SPEF2: variants seen among roughly 807,000 people sequenced by gnomAD.
SPEF2 encodes sperm flagellar and cilia associated 2, also known as sperm flagella and cilia-associated protein 2.
SPEF2 carries 187 observed loss-of-function variants against 224.6 expected under a neutral mutation model. That is an observed-to-expected ratio of 0.83 (90% CI 0.74 to 0.94). The LOEUF is 0.94. SPEF2 is among the 40% of genes least tolerant of loss of function. SPEF2 has a pLI of 0.00. For missense variants in SPEF2, 2,170 were observed against 2,135.6 expected (o/e 1.02, Z -0.32); for synonymous variants, 715 against 707.3 (o/e 1.01, Z -0.17).
At chr5:35,775,437 T>A (rs1158912713) in intron 28 of SPEF2, among the ~76,000 whole-genome samples, 1 of 151,758 alleles carries the variant, frequency 6.6e-6, no homozygotes, top group Admixed American at 6.6e-5. Flanking sequence ...GAGAGAGGGG[T>A]AAGAGGCATA....
chr5:35,769,989 ATGTG>A (rs10627412), intron 26 of SPEF2, among the ~76,000 whole-genome samples: 24,966 of 141,800 alleles, frequency 0.18, 2,199 homozygotes, highest in South Asian at 0.32. Context: ...TGCCTCCATA[ATGTG>A]TGTGTGTGTG....
At position 35,715,816 on chromosome 5, in the gene SPEF2, C is replaced by CCTTTTTTT. The variant is rs70973054; in HGVS notation, c.2914+2930_2914+2931insCTTTTTTT. ...TCTGTGAAATAGGGGGATATAATTT[C>CCTTTTTTT]TTTTTTTTTTTTTTTTTGAGACAGA... On this transcript the variant is annotated intron_variant, in intron 20 of 36. Coordinates refer to ENST00000356031, the MANE Select transcript of SPEF2 (RefSeq NM_024867.4). Among the ~76,000 whole-genome samples the CCTTTTTTT allele has an allele frequency of 4.5e-3, 533 of 117,838 alleles. 47 individuals carry two copies. Among genetic ancestry groups the CCTTTTTTT allele is most frequent in the Middle Eastern group, 6.3e-3 (1 of 158 alleles). 77.3% of individuals were successfully genotyped at this position (117,838 alleles called of 152,430 possible).
chr5:35,759,271 A>G (rs547325349), intron 24 of SPEF2, among the ~76,000 whole-genome samples: 1 of 152,284 alleles, frequency 6.6e-6, no homozygotes, highest in Non-Finnish European at 1.5e-5. Context: ...AGTAAATAGC[A>G]TGCACTACTT....
At position 35,792,535 on chromosome 5, in the gene SPEF2, T is replaced by G; in HGVS notation, c.4554+89T>G. ...AGTTCTAAAATAATGAGTACTTGCA[T>G]AGTGTCTGACATTTAGTAGGCAATC... On this transcript the variant is annotated intron_variant, in intron 31 of 36. Transcript: ENST00000356031. The G allele has an allele frequency of 7.6e-6, 8 of 1,050,376 alleles. No individual in the cohort carries two copies. In the South Asian group the frequency reaches 1.1e-4, roughly 14 times the overall value. 65.1% of individuals were successfully genotyped at this position (1,050,376 alleles called of 1,614,324 possible). A position where few individuals can be genotyped will look rare whatever the true frequency, so the allele number is the denominator to read the frequency against.
chr5:35,795,829 A>G (rs760621539), intron 33 of SPEF2, 34 bp downstream of exon 33: 3 of 1,523,604 alleles, frequency 2.0e-6, no homozygotes, highest in Admixed American at 1.8e-5. Context: ...ATGTGGCATT[A>G]TAGCACTAAT....
chr5:35,691,963 C>G (rs1053813383), intron 11 of SPEF2, among the ~76,000 whole-genome samples: 3 of 151,838 alleles, frequency 2.0e-5, no homozygotes, highest in Non-Finnish European at 4.4e-5. Flanking sequence ...CTACACCCAG[C>G]TAATTTTTGT....
At chr5:35,659,855 A>G (rs1001371632) in intron 8 of SPEF2, among the ~76,000 whole-genome samples, 1 of 151,728 alleles carries the variant, frequency 6.6e-6, no homozygotes. Flanking sequence ...CTTCCTTTCA[A>G]CTAGACACCA....
rs189290973 is a variant in SPEF2, at chr5:35,656,180, T to C, written c.978+1454T>C. Among the ~76,000 whole-genome samples the C allele has an allele frequency of 7.2e-5, 11 of 152,248 alleles. No homozygotes were observed. The East Asian group carries it at 1.9e-3, about 27-fold the overall frequency. ...AGAGGAACAAACTTGGGGTGGGCAG[T>C]GATTTCAGTTGGGAATGTAAATAGG... is the stretch of plus-strand genomic sequence containing the variant. On this transcript the variant is annotated intron_variant, in intron 7 of 36. Coordinates refer to ENST00000356031, the MANE Select transcript of SPEF2 (RefSeq NM_024867.4).
chr5:35,690,991 T>C (rs1446072102), intron 10 of SPEF2, 46 bp from the exon 11 acceptor site: 10 of 1,521,408 alleles, frequency 6.6e-6, no homozygotes, highest in Non-Finnish European at 9.0e-6. Context: ...ATACCTAAAT[T>C]CCACTTTTCA....
chr5:35,679,839 T>C (rs893330199), intron 10 of SPEF2, among the ~76,000 whole-genome samples: 3 of 152,202 alleles, frequency 2.0e-5, no homozygotes, highest in Non-Finnish European at 2.9e-5. Flanking sequence ...TCTAATCTAT[T>C]GCTACCCATG....
chr5:35,692,750 C>T lies in SPEF2; in HGVS notation c.1899+26C>T, dbSNP rs545467866. The T allele has an allele frequency of 1.4e-5, 22 of 1,604,924 alleles. No homozygotes were observed. The Admixed American group carries it at 2.6e-4, about 19-fold the overall frequency. ...GCAAGTGTGATTCTAGTTTTCTCTTCTGCGCCTAGTACATTAGAGATTTGG... is the reference window on the plus strand; with the variant it reads ...GCAAGTGTGATTCTAGTTTTCTCTTTTGCGCCTAGTACATTAGAGATTTGG... On this transcript the variant is annotated intron_variant, in intron 12 of 36. Coordinates refer to ENST00000356031, the MANE Select transcript of SPEF2 (RefSeq NM_024867.4).
At chr5:35,732,198 C>A (rs1003522492) in intron 21 of SPEF2, among the ~76,000 whole-genome samples, 29 of 152,074 alleles carry the variant, frequency 1.9e-4, no homozygotes, top group African/African-American at 7.0e-4. Flanking sequence ...GATGTAGTAT[C>A]TCTTGAGTTC....
At chr5:35,755,490 G>A (rs1236980763) in intron 24 of SPEF2, among the ~76,000 whole-genome samples, 1 of 152,088 alleles carries the variant, frequency 6.6e-6, no homozygotes, top group African/African-American at 2.4e-5. Flanking sequence ...TTTATCTTGA[G>A]AAACTGAACC....
chr5:35,656,475 T>C (rs1380466161), intron 7 of SPEF2, among the ~76,000 whole-genome samples: 1 of 152,182 alleles, frequency 6.6e-6, no homozygotes, highest in Non-Finnish European at 1.5e-5. Context: ...ATTAGAAGAA[T>C]TTCAAATTAT....
intron 7 of SPEF2, among the ~76,000 whole-genome samples, chr5:35,658,368 C>T (rs1749243983): frequency 6.6e-6 from 1 of 152,100 alleles, no homozygotes; most frequent in Non-Finnish European, 1.5e-5. Context: ...TAGGTCATTT[C>T]CCCCAGCCTC....
At chr5:35,774,817 T>A (rs1753380758) in intron 28 of SPEF2, among the ~76,000 whole-genome samples, 1 of 152,144 alleles carries the variant, frequency 6.6e-6, no homozygotes. Flanking sequence ...CCTTCCCATC[T>A]TACTACCACC....
chr5:35,740,495 C>T lies in SPEF2; in HGVS notation c.3330+228C>T, dbSNP rs375756850. Among the ~76,000 whole-genome samples, 18 of 152,258 alleles carry T rather than the reference C, an allele frequency of 1.2e-4. No homozygotes were observed. The East Asian group carries it at 2.5e-3, about 21-fold the overall frequency. On this transcript the variant is annotated intron_variant, in intron 23 of 36. Transcript: ENST00000356031. ...GAAAGAGGGGCCAAAGTCCGCACTG[C>T]GAGAACATTCTGGGCATCTGTCTTG...
Position 35,779,287 on chromosome 5 carries a change from C to T in SPEF2, c.4388C>T (p.Thr1463Ile), listed in dbSNP as rs775713281. 12 of 1,613,858 alleles carry T rather than the reference C, an allele frequency of 7.4e-6. No homozygotes were observed. In the Middle Eastern group the frequency reaches 1.3e-3, roughly 178 times the overall value. ...PPPVEKEEDG[T>I]LTIEQLDSLR... is the part of the protein sequence containing the mutation. Reference sequence around the variant, plus strand: ...CCTGTAGAAAAGGAAGAAGATGGTACCCTGACCATTGAACAGCTTGACAGT... The same window carrying T: ...CCTGTAGAAAAGGAAGAAGATGGTATCCTGACCATTGAACAGCTTGACAGT... Residue 1463 changes from threonine (T) to isoleucine (I), a missense_variant, in exon 30 of 37, where the codon ACC becomes ATC. Thr to Ile is a moderately conservative substitution (Grantham distance 89). Transcript: ENST00000356031.
chr5:35,789,989 G>T, intron 30 of SPEF2: 1 of 700,590 alleles, frequency 1.4e-6, no homozygotes, highest in East Asian at 2.7e-5. Context: ...AAACTTGGGA[G>T]TCTCAATCTT....
Sources: allele counts gnomAD v4.1 joint callset (sites outside exome capture counted in the v4.1 genomes callset), GRCh38; gene constraint gnomAD v4.1.1; transcripts MANE v1.5; gene names NCBI Gene and HGNC (gene_info 2026-07-23, HGNC 2026-07-21).